The following SLC29A3 variants were observed in gnomAD, a reference collection of about 807,000 sequenced individuals.
The protein encoded by SLC29A3 is solute carrier family 29 member 3.
In SLC29A3, 18 loss-of-function variants were observed where a neutral mutation model predicts 25.4. The ratio of observed to expected loss-of-function variants is 0.71; its 90% CI spans 0.49 to 1.05. SLC29A3 has a LOEUF of 1.05. SLC29A3 is among the 50% of genes least tolerant of loss of function. The pLI is 0.00. For synonymous variants in SLC29A3, 258 were observed against 267.1 expected (o/e 0.97, Z 0.33); for missense variants, 586 against 609.0 (o/e 0.96, Z 0.40).
At chr10:71,380,965 A>G (rs556619783) in exon 5 of SLC29A3, 1 of 152,286 alleles carries the variant, frequency 6.6e-6, no homozygotes, top group South Asian at 2.1e-4. Flanking sequence ...CCATATACCT[A>G]TCACCCAGCT....
chr10:71,362,510 G>C lies in SLC29A3; in HGVS notation c.1330G>C (p.Glu444Gln). 6.2e-7 allele frequency: 1 copy of C among 1,614,186 alleles called. No homozygotes were observed. The highest frequency in any genetic ancestry group is 8.5e-7 in the Non-Finnish European group (1 of 1,180,048). ...CTACGGGCCTAAGATTGTGCCCAGGGAGCTGGCTGAGGCCACGGGAGTGGT... is the reference window on the plus strand; with the variant it reads ...CTACGGGCCTAAGATTGTGCCCAGGCAGCTGGCTGAGGCCACGGGAGTGGT... ...LLYGPKIVPR[E>Q]LAEATGVVMS... is the part of the protein sequence containing the mutation. Residue 444 changes from glutamate to glutamine, a missense_variant, in exon 6 of 6, where the codon GAG becomes CAG. By Grantham distance (29) the Glu-to-Gln change is conservative (BLOSUM62 2). Coordinates refer to ENST00000373189, the MANE Select transcript of SLC29A3 (RefSeq NM_018344.6).
chr10:71,364,932 G>A (rs1847155732), downstream of SLC29A3: 1 of 152,196 alleles, frequency 6.6e-6, no homozygotes, highest in African/African-American at 2.4e-5. Context: ...AAGTGTTTTA[G>A]AAATGAGCAG....
chr10:71,364,320 T>C (rs1405324174), downstream of SLC29A3: 2 of 152,190 alleles, frequency 1.3e-5, no homozygotes, highest in Non-Finnish European at 2.9e-5. Context: ...TTGTTGCTAA[T>C]AGTTGTGTAT....
chr10:71,325,532 C>A (rs1050639388), intron 2 of SLC29A3, among the ~76,000 whole-genome samples: 1 of 152,222 alleles, frequency 6.6e-6, no homozygotes, highest in Non-Finnish European at 1.5e-5. Context: ...CTTCACACTT[C>A]CACACTCCTG....
At chr10:71,360,336 G>A (rs1361491168) in intron 5 of SLC29A3, among the ~76,000 whole-genome samples, 3 of 151,952 alleles carry the variant, frequency 2.0e-5, no homozygotes, top group Non-Finnish European at 4.4e-5. Flanking sequence ...TAGAGGTGGG[G>A]TTTCACCATT....
Position 71,344,227 on chromosome 10 carries a change from C to T in SLC29A3, c.319C>T (p.Leu107Phe), listed in dbSNP as rs1046929974. ...CTTGCAGAACTACTTTGAGAGCTAC[C>T]TTGCCGTTGCCTCCACCGTGCCCTC... Reference protein sequence around the residue: ...SDILNYFESYLAVASTVPSML... With the variant: ...SDILNYFESYFAVASTVPSML... Residue 107 changes from leucine (L) to phenylalanine (F), a missense_variant, in exon 3 of 6, where the codon CTT (leucine) becomes TTT (phenylalanine). Leu to Phe is a conservative substitution (Grantham distance 22). Transcript: ENST00000373189. 25 of 1,614,158 alleles carry T rather than the reference C, an allele frequency of 1.5e-5. No individual in the cohort carries two copies. The highest frequency in any genetic ancestry group is 2.1e-5 in the Non-Finnish European group (25 of 1,180,002).
rs764543735 is a variant in SLC29A3 at position 71,362,458 on chromosome 10, C to T, written c.1278C>T (p.Asn426=). The part of the protein sequence containing the change: ...ALLSSLLGLS[N]GYLSTLALLY... ...TCAGCTCCCTGCTGGGGCTCAGCAA[C>T]GGCTACCTCAGCACCCTGGCCCTCC... Residue 426 remains asparagine (N), a synonymous_variant, in exon 6 of 6, where the codon AAC becomes AAT. Transcript: ENST00000373189. 3.4e-5 allele frequency: 55 copies of T among 1,614,076 alleles called. No homozygotes were observed. In the South Asian group the frequency reaches 3.5e-4, roughly 10 times the overall value.
At chr10:71,350,316 TGTGTGTGTGTG>T (rs1564537347) in intron 3 of SLC29A3, among the ~76,000 whole-genome samples, 2 of 126,772 alleles carry the variant, frequency 1.6e-5, no homozygotes, top group African/African-American at 8.6e-5. Flanking sequence ...CACACCTACG[TGTGTGTGTGTG>T]TGTGTGTGTG....
Position 71,375,790 on chromosome 10 carries a change from C to T in SLC29A3, c.*190C>T, listed in dbSNP as rs553865067. The stretch of plus-strand genomic sequence containing the variant: ...ACAGACGGCTGTCTCCCCTGAAAGC[C>T]AAACAGATACTCATGGGCCAGGTAA... On this transcript the variant is annotated 3_prime_UTR_variant and NMD_transcript_variant, in exon 4 of 5. Coordinates refer to the SLC29A3 transcript ENST00000642772. The T allele has an allele frequency of 3.9e-5, 6 of 152,274 alleles. No homozygotes were observed. In the East Asian group the frequency reaches 1.2e-3, roughly 29 times the overall value. The allele number at this position is 152,274 out of a possible 1,614,324, so 9.4% of individuals were successfully genotyped here.
At chr10:71,340,167 T>C (rs1387420476) in intron 2 of SLC29A3, among the ~76,000 whole-genome samples, 2 of 152,220 alleles carry the variant, frequency 1.3e-5, no homozygotes, top group African/African-American at 4.8e-5. Flanking sequence ...CACCTCCTAA[T>C]GTCTTTGCCC....
At chr10:71,370,489 G>A (rs74963995) in intron 3 of SLC29A3, among the ~76,000 whole-genome samples, 3,735 of 152,196 alleles carry the variant, frequency 0.025, 83 homozygotes, top group African/African-American at 0.05. Flanking sequence ...GAGATTGAAC[G>A]TCCTCAGTGC....
chr10:71,342,710 C>T (rs1846443198), intron 2 of SLC29A3, among the ~76,000 whole-genome samples: 1 of 152,220 alleles, frequency 6.6e-6, no homozygotes, highest in Admixed American at 6.5e-5. Context: ...GAGGCCCAGC[C>T]ACTGTGTCAA....
intron 3 of SLC29A3, among the ~76,000 whole-genome samples, chr10:71,369,990 G>T (rs1427051707): frequency 6.6e-6 from 1 of 152,190 alleles, no homozygotes; most frequent in African/African-American, 2.4e-5. Flanking sequence ...TAAGGAGGGG[G>T]AGAAGCAGAG....
intron 2 of SLC29A3, among the ~76,000 whole-genome samples, chr10:71,326,886 G>A (rs558320791): frequency 5.3e-5 from 8 of 152,316 alleles, no homozygotes; most frequent in African/African-American, 1.9e-4. Context: ...GGCCGGGATT[G>A]GGAAGCGAGC....
chr10:71,362,337 G>C lies in SLC29A3; in HGVS notation c.1157G>C (p.Arg386Pro). 6.2e-7 allele frequency: 1 copy of C among 1,614,122 alleles called. No homozygotes were observed. The highest frequency in any genetic ancestry group is 1.1e-5 in the South Asian group (1 of 91,088). ...GCGCTCCCAGGGTTCGTGCTCCTCC[G>C]GACCTGCCTCATCCCCCTCTTCGTG... Reference protein sequence around the residue: ...SKALPGFVLLRTCLIPLFVLC... With the variant: ...SKALPGFVLLPTCLIPLFVLC... Residue 386 changes from arginine to proline, a missense_variant, in exon 6 of 6, where the codon CGG becomes CCG. Physicochemically the swap from Arg to Pro is moderately radical, Grantham distance 103 (BLOSUM62 -2). Coordinates refer to ENST00000373189, the MANE Select transcript of SLC29A3 (RefSeq NM_018344.6).
At chr10:71,365,270 A>G (rs1847160817), downstream of SLC29A3, 1 of 152,264 alleles carries the variant, frequency 6.6e-6, no homozygotes, top group South Asian at 2.1e-4. Flanking sequence ...AGAAATGGGC[A>G]CCATGCCTGC....
intron 2 of SLC29A3, among the ~76,000 whole-genome samples, chr10:71,341,967 G>A (rs1030960886): frequency 6.6e-6 from 1 of 152,162 alleles, no homozygotes; most frequent in Non-Finnish European, 1.5e-5. Context: ...ATGGCCACTT[G>A]CCTCCCCAAA....
At position 71,362,079 on chromosome 10, in the gene SLC29A3, C is replaced by A; in HGVS notation, c.899C>A (p.Pro300His). 1 of 1,614,158 alleles carries A rather than the reference C, an allele frequency of 6.2e-7. No homozygotes were observed. The highest frequency in any genetic ancestry group is 1.1e-5 in the South Asian group (1 of 91,074). ...FIDSHTPPLR[P>H]ILKKTASLGF... ...GATTCCCACACACCCCCTCTCCGCCCCATCCTGAAGAAGACGGCCAGCCTG... is the reference window on the plus strand; with the variant it reads ...GATTCCCACACACCCCCTCTCCGCCACATCCTGAAGAAGACGGCCAGCCTG... Residue 300 changes from proline (P) to histidine (H), a missense_variant, in exon 6 of 6, where the codon CCC (proline) becomes CAC (histidine). Physicochemically the swap from Pro to His is moderately conservative, Grantham distance 77 (BLOSUM62 -2). Coordinates refer to ENST00000373189, the MANE Select transcript of SLC29A3 (RefSeq NM_018344.6).
At chr10:71,327,525 G>T (rs1377900242) in intron 2 of SLC29A3, among the ~76,000 whole-genome samples, 1 of 152,210 alleles carries the variant, frequency 6.6e-6, no homozygotes, top group African/African-American at 2.4e-5. Context: ...CTGCAATGCA[G>T]ATCTTAGTAA....
Sources: gnomAD v4.1 joint callset for allele counts (sites outside exome capture counted in the v4.1 genomes callset) on GRCh38, gnomAD v4.1.1 for gene constraint, MANE v1.5 for transcripts, NCBI Gene and HGNC (gene_info 2026-07-23, HGNC 2026-07-21) for gene names.